The following EFCC1 variants were observed in gnomAD, a reference collection of about 807,000 sequenced individuals.
EFCC1 encodes EF-hand and coiled-coil domain-containing protein 1.
EFCC1 carries 50 observed loss-of-function variants against 52.1 expected under a neutral mutation model. That is an observed-to-expected ratio of 0.96 (90% CI 0.76 to 1.21). EFCC1 has a LOEUF of 1.21. Among genes scored for constraint, EFCC1 ranks in the 50% most tolerant of loss-of-function variants. The pLI, the probability that EFCC1 is intolerant of heterozygous loss-of-function variation, is 0.00. For synonymous variants in EFCC1, 399 were observed against 396.5 expected (o/e 1.01, Z -0.08); for missense variants, 837 against 867.3 (o/e 0.97, Z 0.44).
intron 1 of EFCC1, among the ~76,000 whole-genome samples, chr3:129,002,884 A>T (rs1363647558): frequency 6.6e-6 from 1 of 152,160 alleles, no homozygotes; most frequent in Non-Finnish European, 1.5e-5. Flanking sequence ...TCAGGCACTC[A>T]CGGGCCACCA....
intron 2 of EFCC1, among the ~76,000 whole-genome samples, chr3:129,013,310 G>A (rs1945417815): frequency 1.3e-5 from 2 of 152,144 alleles, no homozygotes; most frequent in South Asian, 4.1e-4. Context: ...TATTATATTG[G>A]ATTTTTTAGT....
Position 129,002,229 on chromosome 3 carries a change from G to A in EFCC1, c.601G>A (p.Ala201Thr), listed in dbSNP as rs1302334721. The change falls in exon 1 of 8, where the codon GCG (alanine) becomes ACG (threonine). Residue 201 changes from alanine to threonine, a missense_variant. Transcript: ENST00000683648. ...PDSGPDCERV[A>T]RLEEENSSLR... ...CAGCGGTCCTGACTGTGAGCGCGTT[G>A]CGCGGCTGGAGGAGGAGAATAGCAG... 1.6e-5 allele frequency: 24 copies of A among 1,529,136 alleles called. No individual in the cohort carries two copies. Among genetic ancestry groups the A allele is most frequent in the African/African-American group, 9.8e-5 (7 of 71,164 alleles). The allele number at this position is 1,529,136 out of a possible 1,614,324, so 94.7% of individuals were successfully genotyped here.
chr3:129,026,668 T>A lies in EFCC1; in HGVS notation c.981-4035T>A, dbSNP rs1016566780. The stretch of plus-strand genomic sequence containing the variant: ...AGGTACCTGCCTCTACCCTTGAGTC[T>A]TGGAGACAGTGACCTTATTCCCTTG... On this transcript the variant is annotated intron_variant, in intron 2 of 7. Transcript: ENST00000683648. Among the ~76,000 whole-genome samples the A allele has an allele frequency of 1.3e-5, 2 of 152,204 alleles. 1 individual carries two copies. Among genetic ancestry groups the A allele is most frequent in the East Asian group, 3.9e-4 (2 of 5,188 alleles).
At chr3:129,032,741 G>T (rs955914087) in intron 3 of EFCC1, 78 bp from the exon 4 acceptor site, 1 of 1,506,052 alleles carries the variant, frequency 6.6e-7, no homozygotes, top group East Asian at 2.5e-5. Context: ...CTGGGGCTGC[G>T]CTGCACATGT....
At chr3:129,025,892 T>C (rs395020) in intron 2 of EFCC1, among the ~76,000 whole-genome samples, 82,682 of 152,150 alleles carry the variant, frequency 0.54, 24,383 homozygotes, top group African/African-American at 0.78. Context: ...GACCTGGAGT[T>C]ACCCACTGAC....
intron 2 of EFCC1, among the ~76,000 whole-genome samples, chr3:129,013,541 C>T (rs1945429307): frequency 6.6e-6 from 1 of 152,216 alleles, no homozygotes; most frequent in Non-Finnish European, 1.5e-5. Flanking sequence ...AGCAAGACAG[C>T]TACCATCATC....
Position 129,001,810 on chromosome 3 carries a change from A to C in EFCC1, c.182A>C (p.Glu61Ala), listed in dbSNP as rs1156503589. Reference sequence around the variant, plus strand: ...ACCGGCCTGGACCAGTACCTGCAGGAGGTCTTCCACCACCTGGACTGCCGC... The same window carrying C: ...ACCGGCCTGGACCAGTACCTGCAGGCGGTCTTCCACCACCTGGACTGCCGC... ...LATGLDQYLQ[E>A]VFHHLDCRGA... Residue 61 changes from glutamate (E) to alanine (A), a missense_variant, in exon 1 of 8, where the codon GAG becomes GCG. Transcript: ENST00000683648. The C allele has an allele frequency of 1.3e-6, 2 of 1,545,284 alleles. No homozygotes were observed. Among genetic ancestry groups the C allele is most frequent in the Non-Finnish European group, 1.7e-6 (2 of 1,145,800 alleles).
chr3:129,002,343 G>T lies in EFCC1; in HGVS notation c.696+19G>T. ...ACTGCAGGTGCGCGCCGGCCACGAAGGGAGGGTGGTAACGCCCGGGAGAGG... is the reference window on the plus strand; with the variant it reads ...ACTGCAGGTGCGCGCCGGCCACGAATGGAGGGTGGTAACGCCCGGGAGAGG... On this transcript the variant is annotated intron_variant, in intron 1 of 7. Transcript: ENST00000683648. The T allele has an allele frequency of 6.6e-7, 1 of 1,511,718 alleles. No individual in the cohort carries two copies. The highest frequency in any genetic ancestry group is 8.8e-7 in the Non-Finnish European group (1 of 1,136,674). The allele number at this position is 1,511,718 out of a possible 1,614,324, so 93.6% of individuals were successfully genotyped here.
intron 2 of EFCC1, among the ~76,000 whole-genome samples, chr3:129,022,268 G>A (rs1945888713): frequency 6.6e-6 from 1 of 152,214 alleles, no homozygotes; most frequent in African/African-American, 2.4e-5. Context: ...AGTGTTGACT[G>A]ATTAATCAAT....
intron 2 of EFCC1, among the ~76,000 whole-genome samples, chr3:129,022,050 A>C (rs1945871093): frequency 6.6e-6 from 1 of 152,206 alleles, no homozygotes; most frequent in African/African-American, 2.4e-5. Flanking sequence ...CTCTCACAGC[A>C]CCCAGAACTC....
At chr3:129,016,154 C>T (rs1945573037) in intron 2 of EFCC1, among the ~76,000 whole-genome samples, 1 of 152,192 alleles carries the variant, frequency 6.6e-6, no homozygotes, top group Non-Finnish European at 1.5e-5. Flanking sequence ...GATGCCTTGA[C>T]CGCTCCCTTG....
At chr3:129,012,801 C>T (rs1334090070) in intron 2 of EFCC1, among the ~76,000 whole-genome samples, 2 of 152,154 alleles carry the variant, frequency 1.3e-5, no homozygotes, top group Admixed American at 6.5e-5. Flanking sequence ...ATGAACTTCC[C>T]CTTAGAAGTG....
chr3:129,032,737 C>T, intron 3 of EFCC1, 82 bp from the exon 4 acceptor site: 1 of 1,490,206 alleles, frequency 6.7e-7, no homozygotes. Flanking sequence ...TCCCCTGGGG[C>T]TGCGCTGCAC....
intron 4 of EFCC1, among the ~76,000 whole-genome samples, chr3:129,033,313 G>C (rs1279408418): frequency 6.6e-6 from 1 of 152,122 alleles, no homozygotes; most frequent in East Asian, 1.9e-4. Flanking sequence ...CAGCTCTCCA[G>C]CCTGGCCCCG....
At chr3:129,008,551 A>C (rs1945176485) in intron 2 of EFCC1, among the ~76,000 whole-genome samples, 1 of 152,236 alleles carries the variant, frequency 6.6e-6, no homozygotes, top group Non-Finnish European at 1.5e-5. Flanking sequence ...GGAGACATTT[A>C]TTTAATTCAT....
chr3:129,038,596 C>T (rs950868410), intron 6 of EFCC1, among the ~76,000 whole-genome samples: 4 of 152,224 alleles, frequency 2.6e-5, no homozygotes, highest in Non-Finnish European at 4.4e-5. Context: ...TCCTTAGGTA[C>T]GTGATCTTTG....
rs1479369581 is a variant in EFCC1 at position 129,002,206 on chromosome 3, G to T, written c.578G>T (p.Ser193Ile). ...RRPPCAPGPD[S>I]GPDCERVARL... is the part of the protein sequence containing the mutation. The stretch of plus-strand genomic sequence containing the variant: ...CCGCCCTGCGCGCCTGGCCCCGACA[G>T]CGGTCCTGACTGTGAGCGCGTTGCG... Residue 193 changes from serine (S) to isoleucine (I), a missense_variant, in exon 1 of 8, where the codon AGC (serine) becomes ATC (isoleucine). Transcript: ENST00000683648. The T allele has an allele frequency of 1.3e-6, 2 of 1,516,478 alleles. No homozygotes were observed. Among genetic ancestry groups the T allele is most frequent in the African/African-American group, 2.9e-5 (2 of 69,468 alleles). The allele number at this position is 1,516,478 out of a possible 1,614,324, so 93.9% of individuals were successfully genotyped here. A position where few individuals can be genotyped will look rare whatever the true frequency, so the allele number is the denominator to read the frequency against.
At chr3:129,015,586 C>T (rs932665614) in intron 2 of EFCC1, among the ~76,000 whole-genome samples, 3 of 135,388 alleles carry the variant, frequency 2.2e-5, no homozygotes, top group Non-Finnish European at 4.8e-5. Flanking sequence ...CCCTGCACGG[C>T]GCCCCCGAGA....
At chr3:129,026,290 A>G (rs1401557481) in intron 2 of EFCC1, among the ~76,000 whole-genome samples, 1 of 152,228 alleles carries the variant, frequency 6.6e-6, no homozygotes, top group Non-Finnish European at 1.5e-5. Flanking sequence ...ACATTTAAAC[A>G]GGCCCCTGGG....
Sources: gnomAD v4.1 joint callset for allele counts (sites outside exome capture counted in the v4.1 genomes callset) on GRCh38, gnomAD v4.1.1 for gene constraint, MANE v1.5 for transcripts, NCBI Gene and HGNC (gene_info 2026-07-23, HGNC 2026-07-21) for gene names.